SCN2A: variants seen among roughly 807,000 people sequenced by gnomAD.
SCN2A encodes the protein sodium voltage-gated channel alpha subunit 2.
In SCN2A, 20 loss-of-function variants were observed where a neutral mutation model predicts 188.7. The ratio of observed to expected loss-of-function variants is 0.11; its 90% confidence interval spans 0.07 to 0.15. The LOEUF is 0.15. Among genes scored for constraint, SCN2A ranks in the 10% least tolerant of loss-of-function variants. SCN2A has a pLI of 1.00. For synonymous variants in SCN2A, 804 were observed against 833.1 expected (o/e 0.97, Z 0.60); for missense variants, 1,278 against 2,445.0 (o/e 0.52, Z 10.07).
At chr2:165,252,131 C>T (rs927975063) in intron 1 of SCN2A, among the ~76,000 whole-genome samples, 6 of 149,382 alleles carry the variant, frequency 4.0e-5, no homozygotes, top group South Asian at 4.2e-4. Context: ...GATCTAAGTA[C>T]GAAAAAAAAA....
chr2:165,389,624 T>C lies in SCN2A; in HGVS notation c.5818T>C (p.Cys1940Arg), dbSNP rs747846577. Residue 1940 changes from cysteine (C) to arginine (R), a missense_variant, in exon 27 of 27, where the codon TGT becomes CGT. Transcript: ENST00000375437. This position sits in a 1 kb window ranked among gnomAD's most constrained non-coding sequence, Gnocchi z 4.2. ...ATACAAGAAAGACAAAGGCAAAGAA[T>C]GTGATGGAACACCCATCAAAGAAGA... ...SIYKKDKGKE[C>R]DGTPIKEDTL... 10 of 1,613,942 alleles carry C rather than the reference T, an allele frequency of 6.2e-6. No homozygotes were observed. The East Asian group carries it at 1.6e-4, about 25-fold the overall frequency.
intron 16 of SCN2A, 90 bp downstream of exon 16, chr2:165,345,001 T>A: frequency 6.6e-7 from 1 of 1,524,358 alleles, no homozygotes; most frequent in Non-Finnish European, 9.1e-7. Flanking sequence ...TTGTATTTTT[T>A]AAATCAAGGC....
chr2:165,357,243 A>G (rs1298650164), intron 17 of SCN2A, among the ~76,000 whole-genome samples: 1 of 152,068 alleles, frequency 6.6e-6, no homozygotes, highest in Non-Finnish European at 1.5e-5. Flanking sequence ...AATTTCAGAC[A>G]CTCGCATTTG....
chr2:165,291,563 TCCTTCCTTCCTTTC>T (rs1407314914), intron 1 of SCN2A, among the ~76,000 whole-genome samples: 8 of 91,924 alleles, frequency 8.7e-5, no homozygotes, highest in Non-Finnish European at 9.9e-5. Context: ...CTTCCTTCCT[TCCTTCCTTCCTTTC>T]TCTCTCTCTC....
At chr2:165,324,178 T>C (rs889578562) in intron 12 of SCN2A, among the ~76,000 whole-genome samples, 2 of 152,232 alleles carry the variant, frequency 1.3e-5, no homozygotes, top group Non-Finnish European at 2.9e-5. Context: ...AGCTACATAC[T>C]AGACACTTAC....
chr2:165,353,947 T>G (rs1427203738), intron 16 of SCN2A, among the ~76,000 whole-genome samples: 1 of 152,180 alleles, frequency 6.6e-6, no homozygotes, highest in Non-Finnish European at 1.5e-5. Flanking sequence ...ATAGAAATGT[T>G]TCATTTAGCA....
intron 3 of SCN2A, among the ~76,000 whole-genome samples, chr2:165,306,628 CTG>C (rs1394878139): frequency 6.6e-6 from 1 of 151,008 alleles, no homozygotes; most frequent in African/African-American, 2.4e-5. Flanking sequence ...GATGAAAAAA[CTG>C]AGAATTAAGC....
At chr2:165,303,403 G>A (rs1418117396) in intron 3 of SCN2A, among the ~76,000 whole-genome samples, 14 of 150,562 alleles carry the variant, frequency 9.3e-5, no homozygotes, top group Non-Finnish European at 7.4e-5. Flanking sequence ...AGCCTCCGGA[G>A]TAGCTGGGAC....
intron 1 of SCN2A, among the ~76,000 whole-genome samples, chr2:165,278,774 T>G (rs1433883348): frequency 6.6e-6 from 1 of 151,878 alleles, no homozygotes; most frequent in East Asian, 1.9e-4. Context: ...CTACAAAATG[T>G]TAGAAAATTA....
intron 1 of SCN2A, among the ~76,000 whole-genome samples, chr2:165,262,017 T>C (rs935482571): frequency 2.0e-5 from 3 of 152,196 alleles, no homozygotes; most frequent in Non-Finnish European, 4.4e-5. Flanking sequence ...CTATTCTGCC[T>C]GGGAAAGGTA....
chr2:165,259,843 G>A (rs1694493979), intron 1 of SCN2A, among the ~76,000 whole-genome samples: 1 of 151,606 alleles, frequency 6.6e-6, no homozygotes, highest in Admixed American at 6.6e-5. Flanking sequence ...ATTCAGAATG[G>A]TGAATTCTTT....
chr2:165,350,749 G>A (rs1374693474), intron 16 of SCN2A, among the ~76,000 whole-genome samples: 1 of 151,270 alleles, frequency 6.6e-6, no homozygotes, highest in Admixed American at 6.6e-5. Context: ...GATTACAGGC[G>A]TGAGCCACCG....
rs761070202 is a variant in SCN2A at position 165,365,253 on chromosome 2, T to C, written c.3510T>C (p.Cys1170=). ...EPEESLEPEA[C]FTEDCVRKFK... ...AGGAATCCCTTGAACCTGAAGCCTG[T>C]TTTACAGAAGGTAAGCAAAACAATA... is the stretch of plus-strand genomic sequence containing the variant. The change falls in exon 18 of 27, where the codon TGT becomes TGC. Residue 1170 remains cysteine, a synonymous_variant. Coordinates refer to ENST00000375437, the MANE Select transcript of SCN2A (RefSeq NM_001040142.2). 1.2e-6 allele frequency: 2 copies of C among 1,613,900 alleles called. No individual in the cohort carries two copies. The highest frequency in any genetic ancestry group is 2.2e-5 in the South Asian group (2 of 91,072).
intron 1 of SCN2A, among the ~76,000 whole-genome samples, chr2:165,257,786 C>T (rs535988306): frequency 3.3e-5 from 5 of 152,282 alleles, no homozygotes; most frequent in Admixed American, 2.6e-4. Flanking sequence ...GATCCACCCC[C>T]CTCGGCCTTC....
chr2:165,375,407 G>GTA (rs1415575780), intron 22 of SCN2A, among the ~76,000 whole-genome samples: 3 of 151,344 alleles, frequency 2.0e-5, no homozygotes, highest in African/African-American at 2.4e-5. Context: ...ATATGTATAT[G>GTA]TATATATATA....
chr2:165,272,170 A>T (rs185294642), intron 1 of SCN2A: 11 of 152,234 alleles, frequency 7.2e-5, no homozygotes, highest in Admixed American at 2.6e-4. Context: ...AATCAGTAAA[A>T]GATACAGCAT....
At chr2:165,376,216 A>G (rs1701306166) in intron 22 of SCN2A, among the ~76,000 whole-genome samples, 3 of 151,864 alleles carry the variant, frequency 2.0e-5, no homozygotes, top group African/African-American at 7.2e-5. Flanking sequence ...AAATAAGTAT[A>G]AGAAGCGATA....
In SCN2A at chr2:165,294,325, C is replaced by G. The variant is rs116242013; in HGVS notation, c.-51-1448C>G. 6.3e-3 allele frequency among the ~76,000 whole-genome samples: 960 copies of G among 152,130 alleles called. 11 individuals carry two copies. Among genetic ancestry groups the G allele is most frequent in the African/African-American group, 0.021 (851 of 41,486 alleles). On this transcript the variant is annotated intron_variant, in intron 1 of 26. Coordinates refer to ENST00000375437, the MANE Select transcript of SCN2A (RefSeq NM_001040142.2). ...TCCTCCCCCAGTGTGCAAGGACCAT[C>G]TTCATGCCTATGTCTGTCGCTAGGC... is the stretch of plus-strand genomic sequence containing the variant.
chr2:165,326,715 C>T (rs936189965), intron 12 of SCN2A, 137 bp from the exon 13 acceptor site: 7 of 1,040,494 alleles, frequency 6.7e-6, no homozygotes, highest in Non-Finnish European at 1.0e-5. Flanking sequence ...AATTATCATT[C>T]CAACAATATC....
Sources: allele counts gnomAD v4.1 joint callset (sites outside exome capture counted in the v4.1 genomes callset), GRCh38; gene constraint gnomAD v4.1.1; non-coding constraint Gnocchi (gnomAD v3.1); transcripts MANE v1.5; gene names NCBI Gene and HGNC (gene_info 2026-07-23, HGNC 2026-07-21).